The following JAG2 variants were observed in gnomAD, a reference collection of about 807,000 sequenced individuals.
JAG2 encodes the protein protein jagged-2.
JAG2 carries 46 observed loss-of-function variants against 141.7 expected under a neutral mutation model. That is an observed-to-expected ratio of 0.32 (90% CI 0.26 to 0.42). JAG2 has a LOEUF of 0.42. Among genes scored for constraint, JAG2 ranks in the 10% least tolerant of loss-of-function variants. JAG2 has a pLI of 1.00. For synonymous variants in JAG2, 862 were observed against 763.5 expected (o/e 1.13, Z -2.13); for missense variants, 1,500 against 1,817.5 (o/e 0.83, Z 3.18).
At position 105,150,710 on chromosome 14, in the gene JAG2, C is replaced by T. The variant is rs1381901642; in HGVS notation, c.1496G>A (p.Arg499Gln). 4.5e-6 allele frequency: 7 copies of T among 1,565,346 alleles called. No homozygotes were observed. The highest frequency in any genetic ancestry group is 4.1e-5 in the African/African-American group (3 of 73,678). ...GCAGGGGCTGCTGGCACACTCGTCT[C>T]GTTCCAGCTCGCAATGCCGGCCTCC... Reference protein sequence around the residue: ...GFGGRHCELERDECASSPCHS... With the variant: ...GFGGRHCELEQDECASSPCHS... The change falls in exon 12 of 26, where the codon CGA becomes CAA. Residue 499 changes from arginine to glutamine, a missense_variant. Around this residue, in one of 3 missense-constraint regions of JAG2, gnomAD observed 875 missense variants for 1,202.2 expected, o/e 0.73. Transcript: ENST00000331782.
At chr14:105,168,151 G>C (rs1423703144) in intron 1 of JAG2, 44 bp from the exon 2 acceptor site, 1 of 1,433,222 alleles carries the variant, frequency 7.0e-7, no homozygotes, top group Admixed American at 2.6e-5. Context: ...CGCGGGCCGG[G>C]GTCGGCGGGC....
Position 105,144,220 on chromosome 14 carries a change from G to A in JAG2, c.3085-582C>T, listed in dbSNP as rs1483241513. Among the ~76,000 whole-genome samples, 10 of 133,334 alleles carry A rather than the reference G, an allele frequency of 7.5e-5. No individual in the cohort carries two copies. The East Asian group carries it at 1.7e-3, about 23-fold the overall frequency. The allele number at this position is 133,334 out of a possible 152,430, so 87.5% of individuals were successfully genotyped here. On this transcript the variant is annotated intron_variant, in intron 24 of 25. Transcript: ENST00000331782. The stretch of plus-strand genomic sequence containing the variant: ...GGCACCACAAACCTAGTGCCTTCAC[G>A]AGGCCACAGCAACCCGGGGCTGTGC...
intron 2 of JAG2, among the ~76,000 whole-genome samples, chr14:105,161,109 G>A (rs1434792496): frequency 6.6e-6 from 1 of 150,990 alleles, no homozygotes; most frequent in Non-Finnish European, 1.5e-5. Flanking sequence ...CGGGTGTTGG[G>A]GGTCCGAGTG....
rs921751965 is a variant in JAG2, at chr14:105,147,686, C to T, written c.2365+86G>A. 78 of 1,114,778 alleles carry T rather than the reference C, an allele frequency of 7.0e-5. 1 individual carries two copies. Among genetic ancestry groups the T allele is most frequent in the Admixed American group, 1.6e-4 (8 of 50,162 alleles). 69.1% of individuals were successfully genotyped at this position (1,114,778 alleles called of 1,614,324 possible). ...CAGGGGCAGCAGGGGGAGGGGCTGG[C>T]AGAAGGGACTGGGGGGCGAGTCGGG... On this transcript the variant is annotated intron_variant, in intron 18 of 25. Coordinates refer to ENST00000331782, the MANE Select transcript of JAG2 (RefSeq NM_002226.5).
At chr14:105,165,810 C>T (rs941530871) in intron 2 of JAG2, among the ~76,000 whole-genome samples, 44 of 152,350 alleles carry the variant, frequency 2.9e-4, no homozygotes, top group African/African-American at 1.1e-3. Context: ...ACCCTAGCCT[C>T]CAGGCTGAAA....
intron 2 of JAG2, among the ~76,000 whole-genome samples, chr14:105,166,020 A>G (rs1364805851): frequency 6.6e-6 from 1 of 152,178 alleles, no homozygotes; most frequent in Non-Finnish European, 1.5e-5. Context: ...ATGGCAGGAG[A>G]CCAGGGCTGC....
intron 24 of JAG2, 143 bp from the exon 25 acceptor site, chr14:105,143,781 A>C: frequency 1.2e-6 from 1 of 858,046 alleles, no homozygotes. Flanking sequence ...TGGCGACTTC[A>C]CCACCAGGCA....
In JAG2 at chr14:105,141,398, C is replaced by T. The variant is rs993814530; in HGVS notation, c.*1297G>A. 6.6e-6 allele frequency: 1 copy of T among 152,234 alleles called. No individual in the cohort carries two copies. Among genetic ancestry groups the T allele is most frequent in the African/African-American group, 2.4e-5 (1 of 41,464 alleles). The allele number at this position is 152,234 out of a possible 1,614,324, so 9.4% of individuals were successfully genotyped here. A position where few individuals can be genotyped will look rare whatever the true frequency, so the allele number is the denominator to read the frequency against. On this transcript the variant is annotated 3_prime_UTR_variant, in exon 26 of 26. Transcript: ENST00000331782. ...ATTTTGACCTGTTAATTCCTTAAGACCTTGATACGTATTCGTGGGTAAGCA... is the reference window on the plus strand; with the variant it reads ...ATTTTGACCTGTTAATTCCTTAAGATCTTGATACGTATTCGTGGGTAAGCA...
In JAG2 at chr14:105,154,734, C is replaced by A. The variant is rs587737931; in HGVS notation, c.788+828G>T. Among the ~76,000 whole-genome samples the A allele has an allele frequency of 3.1e-4, 47 of 152,160 alleles. No individual in the cohort carries two copies. Among genetic ancestry groups the A allele is most frequent in the Middle Eastern group, 3.4e-3 (1 of 292 alleles). On this transcript the variant is annotated intron_variant, in intron 5 of 25. Coordinates refer to ENST00000331782, the MANE Select transcript of JAG2 (RefSeq NM_002226.5). This position sits in a 1 kb window ranked among gnomAD's most constrained non-coding sequence, Gnocchi z 4.4. ...GCCCCGCGTGGCGCAGGCCAGGCCTCTCCCACGAGCTTTCTGGGTGTCTCC... is the reference window on the plus strand; with the variant it reads ...GCCCCGCGTGGCGCAGGCCAGGCCTATCCCACGAGCTTTCTGGGTGTCTCC...
Position 105,141,214 on chromosome 14 carries a change from C to A in JAG2, c.*1481G>T, listed in dbSNP as rs587652902. On this transcript the variant is annotated 3_prime_UTR_variant, in exon 26 of 26. Transcript: ENST00000331782. The stretch of plus-strand genomic sequence containing the variant: ...CTTGGAGTCGGCCTTCCATGCCCAG[C>A]CCTGAGGCCACCATGCCACGTTCCA... The A allele has an allele frequency of 2.0e-5, 3 of 152,212 alleles. No homozygotes were observed. Among genetic ancestry groups the A allele is most frequent in the Non-Finnish European group, 2.9e-5 (2 of 68,058 alleles). 9.4% of individuals were successfully genotyped at this position (152,212 alleles called of 1,614,324 possible). A position where few individuals can be genotyped will look rare whatever the true frequency, so the allele number is the denominator to read the frequency against.
rs1888561397 is a variant in JAG2 at position 105,155,717 on chromosome 14, GCA to G, written c.727+19_727+20del. The G allele has an allele frequency of 1.2e-6, 2 of 1,612,228 alleles. No homozygotes were observed. Among genetic ancestry groups the G allele is most frequent in the Non-Finnish European group, 1.7e-6 (2 of 1,179,652 alleles). ...GCCCGAGGCCCTCCCTGCCCTCCAC[GCA>G]GCCCAGCGGCCCCCTCACCTTCCTT... is the stretch of plus-strand genomic sequence containing the variant. On this transcript the variant is annotated intron_variant, in intron 4 of 25. Transcript: ENST00000331782.
At chr14:105,156,045 C>T in intron 3 of JAG2, 56 bp from the exon 4 acceptor site, 3 of 1,588,234 alleles carry the variant, frequency 1.9e-6, no homozygotes, top group Non-Finnish European at 2.6e-6. Flanking sequence ...GCCAGGGGTC[C>T]TCCAGGAACA....
At chr14:105,163,071 C>G (rs1450651445) in intron 2 of JAG2, among the ~76,000 whole-genome samples, 2 of 152,214 alleles carry the variant, frequency 1.3e-5, no homozygotes, top group African/African-American at 2.4e-5. Context: ...CCTCCTAGAC[C>G]TGCTGCCCCA....
In JAG2 at chr14:105,145,992, G is replaced by T. The variant is rs771854644; in HGVS notation, c.2710-19C>A. ...ACCACACCTGGGCAGGCACGCACAG[G>T]AGGGTCAGGCGCAGGCGCACAGGAG... On this transcript the variant is annotated intron_variant, in intron 22 of 25. Transcript: ENST00000331782. 9 of 1,590,930 alleles carry T rather than the reference G, an allele frequency of 5.7e-6. No individual in the cohort carries two copies.
chr14:105,166,080 G>A (rs899753661), intron 2 of JAG2, among the ~76,000 whole-genome samples: 1 of 152,242 alleles, frequency 6.6e-6, no homozygotes, highest in Non-Finnish European at 1.5e-5. Flanking sequence ...CCAGAGACAG[G>A]CCGCCTGCCC....
intron 5 of JAG2, 79 bp from the exon 6 acceptor site, chr14:105,152,370 C>T: frequency 1.3e-6 from 2 of 1,522,198 alleles, no homozygotes; most frequent in Non-Finnish European, 1.8e-6. Context: ...GCACAGTCAC[C>T]CACGCCACAC....
chr14:105,152,713 C>T (rs2140981738), intron 5 of JAG2, among the ~76,000 whole-genome samples: 2 of 152,310 alleles, frequency 1.3e-5, no homozygotes, highest in East Asian at 3.9e-4. Flanking sequence ...CTGCCTCGGC[C>T]ATGTGGCCCT....
intron 3 of JAG2, among the ~76,000 whole-genome samples, chr14:105,156,396 T>C (rs587761898): frequency 6.6e-6 from 1 of 152,110 alleles, no homozygotes; most frequent in Admixed American, 6.5e-5. Flanking sequence ...TGTCCAGCCC[T>C]CGACAGCACG....
intron 12 of JAG2, among the ~76,000 whole-genome samples, chr14:105,150,132 G>A (rs1319383296): frequency 7.0e-6 from 1 of 142,260 alleles, no homozygotes; most frequent in Non-Finnish European, 1.5e-5. Context: ...GGGAAGGGGA[G>A]GTTGGGGGAG....
Sources: allele counts gnomAD v4.1 joint callset (sites outside exome capture counted in the v4.1 genomes callset), GRCh38; gene constraint gnomAD v4.1.1; regional missense constraint gnomAD v4.1.1; non-coding constraint Gnocchi (gnomAD v3.1); transcripts MANE v1.5; gene names NCBI Gene and HGNC (gene_info 2026-07-23, HGNC 2026-07-21).